The following CYRIA variants were observed in gnomAD, a reference collection of about 807,000 sequenced individuals.
CYRIA encodes CYFIP related Rac1 interactor A, also known as CYFIP-related Rac1 interactor A.
In CYRIA, 15 loss-of-function variants were observed where a neutral mutation model predicts 43.9. The observed-to-expected ratio is 0.34, with a 90% confidence interval of 0.23 to 0.53. The LOEUF (loss-of-function observed/expected upper bound fraction) is 0.53. Ranked by LOEUF, CYRIA falls within the 20% of genes least tolerant of loss-of-function variation. The probability of loss-of-function intolerance (pLI) is 0.94; values close to 1 mark genes in which losing one functional copy is unlikely to be tolerated. For missense variants in CYRIA, 236 were observed against 394.2 expected (o/e 0.60, Z 3.40); for synonymous variants, 117 against 136.0 (o/e 0.86, Z 0.97).
intron 3 of CYRIA, among the ~76,000 whole-genome samples, chr2:16,585,238 T>C (rs2103453507): frequency 6.6e-6 from 1 of 152,246 alleles, no homozygotes; most frequent in Non-Finnish European, 1.5e-5. Flanking sequence ...AAATTTTTTT[T>C]CCATGGAATG....
At chr2:16,616,634 T>C (rs1178176708) in intron 2 of CYRIA, among the ~76,000 whole-genome samples, 1 of 152,230 alleles carries the variant, frequency 6.6e-6, no homozygotes, top group Non-Finnish European at 1.5e-5. Flanking sequence ...AACTCAATCA[T>C]CCAGGAGATG....
intron 2 of CYRIA, among the ~76,000 whole-genome samples, chr2:16,605,088 C>T (rs891834810): frequency 1.3e-5 from 2 of 151,626 alleles, no homozygotes; most frequent in Non-Finnish European, 2.9e-5. Flanking sequence ...GGAATACAAG[C>T]TGCTAGAGTC....
chr2:16,558,476 C>G (rs147396406), intron 10 of CYRIA, among the ~76,000 whole-genome samples: 5 of 152,238 alleles, frequency 3.3e-5, no homozygotes, highest in Middle Eastern at 3.4e-3. Flanking sequence ...CACCCAGACT[C>G]GGCTATACTG....
chr2:16,665,465 G>A (rs1011132989), intron 1 of CYRIA, among the ~76,000 whole-genome samples: 2 of 151,960 alleles, frequency 1.3e-5, no homozygotes, highest in African/African-American at 4.8e-5. Context: ...GATACCTGGG[G>A]TGGGGGGTAA....
chr2:16,626,145 T>C (rs770407427), intron 1 of CYRIA, among the ~76,000 whole-genome samples: 1 of 152,080 alleles, frequency 6.6e-6, no homozygotes, highest in Non-Finnish European at 1.5e-5. Flanking sequence ...ATGACCCTAA[T>C]AATAACTTAA....
chr2:16,565,582 T>C, intron 4 of CYRIA, 64 bp downstream of exon 4: 1 of 1,468,650 alleles, frequency 6.8e-7, no homozygotes, highest in Non-Finnish European at 9.2e-7. Context: ...TGTGTGTCTG[T>C]GTGCATGTGT....
intron 1 of CYRIA, among the ~76,000 whole-genome samples, chr2:16,637,147 T>C (rs4832665): frequency 0.56 from 84,474 of 152,012 alleles, 27,537 homozygotes; most frequent in East Asian, 0.95. Context: ...AAGAAATCTG[T>C]TTGGCCAAAC....
intron 1 of CYRIA, among the ~76,000 whole-genome samples, chr2:16,636,807 T>G (rs77027988): frequency 1.3e-5 from 2 of 150,062 alleles, no homozygotes; most frequent in Non-Finnish European, 3.0e-5. Flanking sequence ...AAAAAAAAAA[T>G]AAGAAAGAAA....
intron 2 of CYRIA, among the ~76,000 whole-genome samples, chr2:16,622,475 C>T (rs1328329540): frequency 6.6e-6 from 1 of 152,120 alleles, no homozygotes; most frequent in Non-Finnish European, 1.5e-5. Flanking sequence ...AAATGAAATC[C>T]AGATATGGGA....
intron 2 of CYRIA, among the ~76,000 whole-genome samples, chr2:16,590,930 C>T (rs1244521847): frequency 6.6e-6 from 1 of 152,064 alleles, no homozygotes; most frequent in Non-Finnish European, 1.5e-5. Context: ...GGGGGATCTG[C>T]AAAGTGAATT....
At chr2:16,636,106 C>T (rs989774188) in intron 1 of CYRIA, among the ~76,000 whole-genome samples, 4 of 152,020 alleles carry the variant, frequency 2.6e-5, no homozygotes, top group South Asian at 2.1e-4. Flanking sequence ...CTGGAGTCAG[C>T]GAAAGTAGGG....
At chr2:16,634,108 G>A (rs1333119196) in intron 1 of CYRIA, among the ~76,000 whole-genome samples, 1 of 152,114 alleles carries the variant, frequency 6.6e-6, no homozygotes, top group Non-Finnish European at 1.5e-5. Flanking sequence ...AAGTATTTAG[G>A]CTTGATAAGC....
intron 10 of CYRIA, among the ~76,000 whole-genome samples, chr2:16,557,659 C>T (rs1012718386): frequency 3.3e-5 from 5 of 152,124 alleles, no homozygotes; most frequent in East Asian, 3.9e-4. Flanking sequence ...TTGACCTCCA[C>T]GGACAAAAGC....
chr2:16,627,728 T>C lies in CYRIA; in HGVS notation c.-166-3709A>G, dbSNP rs1250103245. Reference sequence around the variant, plus strand: ...TTCCTTCAAAAGGAGAGAAGGAAGATAGGAGACTCTCCAGGCAGGAAAGAC... The same window carrying C: ...TTCCTTCAAAAGGAGAGAAGGAAGACAGGAGACTCTCCAGGCAGGAAAGAC... On this transcript the variant is annotated intron_variant, in intron 1 of 11. Transcript: ENST00000381323. 3.9e-5 allele frequency among the ~76,000 whole-genome samples: 6 copies of C among 152,180 alleles called. No homozygotes were observed. In the South Asian group the frequency reaches 1.0e-3, roughly 26 times the overall value.
intron 1 of CYRIA, among the ~76,000 whole-genome samples, chr2:16,630,527 G>A (rs747119637): frequency 3.9e-5 from 6 of 152,120 alleles, no homozygotes; most frequent in Admixed American, 1.3e-4. Context: ...TAAGGTGAGT[G>A]CACCCATGTT....
At position 16,559,423 on chromosome 2, in the gene CYRIA, C is replaced by T. The variant is rs376573614; in HGVS notation, c.837+37G>A. On this transcript the variant is annotated intron_variant, in intron 10 of 11. Coordinates refer to ENST00000381323, the MANE Select transcript of CYRIA (RefSeq NM_030797.4). Reference sequence around the variant, plus strand: ...AACAAGGTCTGGCAACATTCATGGGCCCTTATTTGGAAAGCACATTTCACA... The same window carrying T: ...AACAAGGTCTGGCAACATTCATGGGTCCTTATTTGGAAAGCACATTTCACA... The T allele has an allele frequency of 1.5e-5, 24 of 1,601,078 alleles. No homozygotes were observed. The African/African-American group carries it at 2.7e-4, about 18-fold the overall frequency.
chr2:16,610,338 T>G (rs1668548411), intron 2 of CYRIA, among the ~76,000 whole-genome samples: 1 of 152,178 alleles, frequency 6.6e-6, no homozygotes, highest in Non-Finnish European at 1.5e-5. Flanking sequence ...ACTATGTTAT[T>G]TTGTCGAATA....
chr2:16,616,678 G>A (rs549429145), intron 2 of CYRIA, among the ~76,000 whole-genome samples: 9 of 152,342 alleles, frequency 5.9e-5, no homozygotes, highest in Non-Finnish European at 1.0e-4. Flanking sequence ...TTGAACCTAC[G>A]TTGTATGGCA....
chr2:16,661,194 G>C (rs1670244032), intron 1 of CYRIA, among the ~76,000 whole-genome samples: 1 of 152,096 alleles, frequency 6.6e-6, no homozygotes, highest in Non-Finnish European at 1.5e-5. Context: ...AGGATTACTT[G>C]AGCTGAGGAG....
Sources: allele counts gnomAD v4.1 joint callset (sites outside exome capture counted in the v4.1 genomes callset), GRCh38; gene constraint gnomAD v4.1.1; transcripts MANE v1.5; gene names NCBI Gene and HGNC (gene_info 2026-07-23, HGNC 2026-07-21).